The following ADGRB3 variants were observed in gnomAD, a reference collection of about 807,000 sequenced individuals.
ADGRB3 encodes brain-specific angiogenesis inhibitor 3.
ADGRB3 carries 37 observed loss-of-function variants against 193.4 expected under a neutral mutation model. The observed-to-expected ratio is 0.19, with a 90% CI of 0.15 to 0.25. ADGRB3 has a LOEUF of 0.25. Among genes scored for constraint, ADGRB3 ranks in the 10% least tolerant of loss-of-function variants. The probability of loss-of-function intolerance (pLI) is 1.00; values close to 1 mark genes in which losing one functional copy is unlikely to be tolerated. For synonymous variants in ADGRB3, 690 were observed against 644.2 expected, an observed-to-expected ratio of 1.07 and a Z score of -1.08; for missense variants, 1,637 against 1,852.9, an observed-to-expected ratio of 0.88 and a Z score of 2.14.
chr6:68,677,138 G>A (rs1408587088), intron 3 of ADGRB3, among the ~76,000 whole-genome samples: 2 of 152,162 alleles, frequency 1.3e-5, no homozygotes, highest in Non-Finnish European at 1.5e-5. Context: ...CTATATTGGC[G>A]AGGTTCCGTT....
intron 17 of ADGRB3, among the ~76,000 whole-genome samples, chr6:69,189,129 A>G (rs1765131325): frequency 6.6e-6 from 1 of 152,216 alleles, no homozygotes. Flanking sequence ...ACACTTAGAA[A>G]TGAAAACGAA....
intron 3 of ADGRB3, among the ~76,000 whole-genome samples, chr6:68,916,423 T>C (rs569528934): frequency 2.7e-4 from 41 of 152,280 alleles, no homozygotes; most frequent in African/African-American, 8.4e-4. Context: ...CTCTCACCCT[T>C]CCAAAGTACT....
At chr6:68,790,425 G>A (rs1375597143) in intron 3 of ADGRB3, among the ~76,000 whole-genome samples, 1 of 152,222 alleles carries the variant, frequency 6.6e-6, no homozygotes, top group Admixed American at 6.5e-5. Context: ...CTCTCTGACA[G>A]CTTTGAAGAG....
chr6:69,255,020 C>T (rs1420404728), intron 20 of ADGRB3, among the ~76,000 whole-genome samples: 1 of 151,544 alleles, frequency 6.6e-6, no homozygotes, highest in Non-Finnish European at 1.5e-5. Context: ...ATCCATGTCC[C>T]TACAAAGGAC....
chr6:69,055,266 T>C (rs1771510831), intron 15 of ADGRB3, among the ~76,000 whole-genome samples: 2 of 152,208 alleles, frequency 1.3e-5, no homozygotes, highest in Admixed American at 1.3e-4. Context: ...ATTAAGACTA[T>C]ACACATTAAA....
chr6:69,348,877 C>A (rs1365677546), intron 26 of ADGRB3, among the ~76,000 whole-genome samples: 7 of 152,196 alleles, frequency 4.6e-5, no homozygotes, highest in African/African-American at 1.7e-4. Context: ...AATTATGGTA[C>A]AGCCACTCAA....
intron 3 of ADGRB3, among the ~76,000 whole-genome samples, chr6:68,769,688 C>A (rs1466316574): frequency 6.6e-6 from 1 of 151,846 alleles, no homozygotes; most frequent in African/African-American, 2.4e-5. Context: ...AAAGTACACA[C>A]ACACAAAATA....
intron 17 of ADGRB3, among the ~76,000 whole-genome samples, chr6:69,218,111 G>A (rs1230253506): frequency 7.4e-5 from 11 of 149,250 alleles, no homozygotes; most frequent in Non-Finnish European, 1.5e-5. Context: ...TTTCAAGCCT[G>A]CCTTACATTG....
At chr6:69,000,023 C>A (rs1769519021) in intron 11 of ADGRB3, among the ~76,000 whole-genome samples, 1 of 151,918 alleles carries the variant, frequency 6.6e-6, no homozygotes, top group African/African-American at 2.4e-5. Flanking sequence ...CATTCTGAAT[C>A]TTATTCTATC....
intron 3 of ADGRB3, among the ~76,000 whole-genome samples, chr6:68,661,343 G>A (rs181303556): frequency 0.21 from 10,045 of 47,780 alleles, 832 homozygotes; most frequent in Non-Finnish European, 0.23. Flanking sequence ...ATATATATAT[G>A]TGTGTGTGTG....
At chr6:68,991,902 T>C (rs1194196099) in intron 10 of ADGRB3, among the ~76,000 whole-genome samples, 1 of 152,122 alleles carries the variant, frequency 6.6e-6, no homozygotes, top group East Asian at 1.9e-4. Flanking sequence ...ACATAAATAA[T>C]AAGCTGCAAA....
chr6:69,038,323 TACACAG>T (rs1203580602), intron 13 of ADGRB3, among the ~76,000 whole-genome samples: 1 of 125,614 alleles, frequency 8.0e-6, no homozygotes, highest in African/African-American at 2.6e-5. Flanking sequence ...ATATCATGAA[TACACAG>T]ACACACACAC....
At chr6:68,801,122 T>C (rs572598179) in intron 3 of ADGRB3, among the ~76,000 whole-genome samples, 2 of 152,332 alleles carry the variant, frequency 1.3e-5, no homozygotes, top group African/African-American at 4.8e-5. Flanking sequence ...TTCAACCTGC[T>C]TGATGCTCAT....
chr6:69,116,569 A>G (rs1393020503), intron 17 of ADGRB3, among the ~76,000 whole-genome samples: 1 of 152,212 alleles, frequency 6.6e-6, no homozygotes, highest in Non-Finnish European at 1.5e-5. Flanking sequence ...GATCAGGAAA[A>G]ATAAGGATTA....
intron 17 of ADGRB3, among the ~76,000 whole-genome samples, chr6:69,205,382 A>G (rs1466698916): frequency 1.5e-5 from 2 of 134,142 alleles, no homozygotes; most frequent in African/African-American, 6.4e-5. Flanking sequence ...TCTTTTCTGT[A>G]GAATAAAAGA....
At chr6:68,786,268 A>C (rs1173905347) in intron 3 of ADGRB3, among the ~76,000 whole-genome samples, 1 of 151,722 alleles carries the variant, frequency 6.6e-6, no homozygotes, top group Non-Finnish European at 1.5e-5. Context: ...GTTTTTTTCT[A>C]GGGTTTTTAT....
chr6:69,207,901 G>C (rs946797191), intron 17 of ADGRB3, among the ~76,000 whole-genome samples: 2 of 152,182 alleles, frequency 1.3e-5, no homozygotes, highest in African/African-American at 4.8e-5. Context: ...ACTGCATGGA[G>C]AATAGGCAAA....
chr6:69,129,051 CT>C (rs1413811181), intron 17 of ADGRB3, among the ~76,000 whole-genome samples: 5 of 152,146 alleles, frequency 3.3e-5, no homozygotes, highest in Non-Finnish European at 7.4e-5. Context: ...TGAAATATCA[CT>C]AGAATGTAAA....
intron 10 of ADGRB3, among the ~76,000 whole-genome samples, chr6:68,988,141 G>C (rs749900506): frequency 2.0e-5 from 3 of 152,072 alleles, no homozygotes; most frequent in Non-Finnish European, 4.4e-5. Flanking sequence ...GCGTTTTAGA[G>C]ATTATAGTGG....
Sources: allele counts gnomAD v4.1 joint callset (sites outside exome capture counted in the v4.1 genomes callset), GRCh38; gene constraint gnomAD v4.1.1; transcripts MANE v1.5; gene names NCBI Gene and HGNC (gene_info 2026-07-23, HGNC 2026-07-21).